Variants in ASZ1 observed in about 807,000 individuals in gnomAD.
The protein encoded by ASZ1 is ankyrin repeat, SAM and basic leucine zipper domain containing 1.
A neutral mutation model predicts 61.8 loss-of-function variants in ASZ1; 67 were observed. The observed-to-expected ratio is 1.08, with a 90% CI of 0.89 to 1.33. The LOEUF (loss-of-function observed/expected upper bound fraction) is 1.33. Among genes scored for constraint, ASZ1 ranks in the 40% most tolerant of loss-of-function variants. The probability of loss-of-function intolerance (pLI) is 0.00; values close to 1 mark genes in which losing one functional copy is unlikely to be tolerated. For synonymous variants in ASZ1, 193 were observed against 192.7 expected (o/e 1.00, Z -0.01); for missense variants, 577 against 554.5 (o/e 1.04, Z -0.41).
At chr7:117,390,391 A>C (rs1367546797) in intron 4 of ASZ1, among the ~76,000 whole-genome samples, 2 of 151,626 alleles carry the variant, frequency 1.3e-5, no homozygotes, top group African/African-American at 4.8e-5. Flanking sequence ...CTGGTCTCAA[A>C]CTCTTGGCCT....
chr7:117,407,063 C>T (rs184342888), intron 4 of ASZ1, among the ~76,000 whole-genome samples: 21 of 151,774 alleles, frequency 1.4e-4, no homozygotes, highest in Admixed American at 7.2e-4. Context: ...AATGAAACAC[C>T]GATCAGTGTG....
Position 117,390,179 on chromosome 7 carries a change from G to GGT in ASZ1, c.441-4371_441-4370insAC, listed in dbSNP as rs79961993. Among the ~76,000 whole-genome samples the GGT allele has an allele frequency of 4.1e-3, 610 of 148,542 alleles. 7 individuals carry two copies. The highest frequency in any genetic ancestry group is 0.012 in the African/African-American group (486 of 40,458). The stretch of plus-strand genomic sequence containing the variant: ...GTTCTATATCTTTGTAACAGTGGGG[G>GGT]TTTTTTTTTTGAGACAGGGTTGTAC... On this transcript the variant is annotated intron_variant, in intron 4 of 12. Coordinates refer to ENST00000284629, the MANE Select transcript of ASZ1 (RefSeq NM_130768.3).
chr7:117,369,675 T>C (rs1454307043), intron 10 of ASZ1, among the ~76,000 whole-genome samples: 1 of 152,172 alleles, frequency 6.6e-6, no homozygotes, highest in Non-Finnish European at 1.5e-5. Flanking sequence ...AACTTGGTGA[T>C]GGATTGTACG....
At chr7:117,392,606 A>T (rs1162882194) in intron 4 of ASZ1, among the ~76,000 whole-genome samples, 6 of 152,076 alleles carry the variant, frequency 3.9e-5, no homozygotes, top group Non-Finnish European at 7.4e-5. Context: ...GGAAATCTTT[A>T]GGGTTTTCCA....
chr7:117,372,717 T>C (rs1395912065), intron 10 of ASZ1, among the ~76,000 whole-genome samples: 1 of 152,146 alleles, frequency 6.6e-6, no homozygotes, highest in Non-Finnish European at 1.5e-5. Context: ...TCATCAACAA[T>C]CTTACCACTC....
chr7:117,391,509 A>T (rs1463271790), intron 4 of ASZ1, among the ~76,000 whole-genome samples: 3 of 152,130 alleles, frequency 2.0e-5, no homozygotes, highest in South Asian at 2.1e-4. Context: ...ATCCAGTTTC[A>T]TTCTTCTGCA....
chr7:117,385,003 A>G, intron 5 of ASZ1, 143 bp from the exon 6 acceptor site: 1 of 770,620 alleles, frequency 1.3e-6, no homozygotes, highest in Non-Finnish European at 1.9e-6. Context: ...TCATTTTACA[A>G]TATAATGTAA....
At chr7:117,397,239 C>T (rs1479386650) in intron 4 of ASZ1, among the ~76,000 whole-genome samples, 1 of 151,856 alleles carries the variant, frequency 6.6e-6, no homozygotes, top group African/African-American at 2.4e-5. Flanking sequence ...CCGAACCGAA[C>T]CGAACCAAAC....
At chr7:117,381,659 C>G (rs1376470126) in intron 8 of ASZ1, among the ~76,000 whole-genome samples, 1 of 152,056 alleles carries the variant, frequency 6.6e-6, no homozygotes, top group Non-Finnish European at 1.5e-5. Context: ...CAACCCAACA[C>G]TAGGTATTAT....
At chr7:117,418,663 A>C (rs1021424451) in intron 4 of ASZ1, among the ~76,000 whole-genome samples, 28 of 151,736 alleles carry the variant, frequency 1.8e-4, no homozygotes, top group Admixed American at 5.3e-4. Flanking sequence ...AAAAAAAAAA[A>C]AAAATGTTTG....
chr7:117,375,225 T>C (rs902693920), intron 10 of ASZ1, among the ~76,000 whole-genome samples: 1 of 152,012 alleles, frequency 6.6e-6, no homozygotes, highest in African/African-American at 2.4e-5. Flanking sequence ...GAAGAGGCCT[T>C]ACAGGGTTTG....
rs766587239 is a variant in ASZ1 at position 117,384,715 on chromosome 7, C to T, written c.687+11G>A. The T allele has an allele frequency of 3.7e-5, 60 of 1,608,864 alleles. No individual in the cohort carries two copies. Among genetic ancestry groups the T allele is most frequent in the Non-Finnish European group, 4.8e-5 (56 of 1,177,104 alleles). ...CCACAGAAAATAAGTTTAATATGTA[C>T]AGAAGGATACCTCATGATGTTTGTT... On this transcript the variant is annotated intron_variant, in intron 6 of 12. Transcript: ENST00000284629.
chr7:117,364,169 A>C (rs1379084422), intron 12 of ASZ1, among the ~76,000 whole-genome samples: 1 of 152,256 alleles, frequency 6.6e-6, no homozygotes, highest in African/African-American at 2.4e-5. Context: ...AAATTTAGCA[A>C]AAACGAGAAG....
chr7:117,425,801 C>G (rs886753565), intron 2 of ASZ1, among the ~76,000 whole-genome samples: 1 of 151,006 alleles, frequency 6.6e-6, no homozygotes, highest in Non-Finnish European at 1.5e-5. Context: ...CCAGCCTGGC[C>G]GACATGGTGA....
Position 117,389,054 on chromosome 7 carries a change from G to C in ASZ1, c.441-3245C>G, listed in dbSNP as rs79142232. Among the ~76,000 whole-genome samples the C allele has an allele frequency of 4.7e-3, 721 of 152,204 alleles. 5 individuals carry two copies. The highest frequency in any genetic ancestry group is 0.016 in the African/African-American group (665 of 41,544). On this transcript the variant is annotated intron_variant, in intron 4 of 12. Transcript: ENST00000284629. ...AAATATAAAAGCCAGGAAATCTATT[G>C]CTGTTTATTAGAAATGCACCTAGTA...
intron 10 of ASZ1, among the ~76,000 whole-genome samples, chr7:117,376,021 A>T (rs1419790066): frequency 6.6e-6 from 1 of 152,068 alleles, no homozygotes; most frequent in Non-Finnish European, 1.5e-5. Flanking sequence ...TTACTGAAAC[A>T]AAAGAGCAGG....
chr7:117,390,836 T>C (rs1796451814), intron 4 of ASZ1, among the ~76,000 whole-genome samples: 1 of 152,116 alleles, frequency 6.6e-6, no homozygotes, highest in Non-Finnish European at 1.5e-5. Flanking sequence ...CCTGAATAGC[T>C]GGGATTACAG....
Position 117,363,747 on chromosome 7 carries a change from A to C in ASZ1, c.1277T>G (p.Leu426Trp), listed in dbSNP as rs766602207. Residue 426 changes from leucine (L) to tryptophan (W), a missense_variant and splice_region_variant, in exon 13 of 13, where the codon TTG (leucine) becomes TGG (tryptophan). By Grantham distance (61) the Leu-to-Trp change is moderately conservative. Coordinates refer to ENST00000284629, the MANE Select transcript of ASZ1 (RefSeq NM_130768.3). ...TGGATCATTTTCCCGTTCATTTTGCAACTAATATTTAGTATGGAAAAAGAA... is the reference window on the plus strand; with the variant it reads ...TGGATCATTTTCCCGTTCATTTTGCCACTAATATTTAGTATGGAAAAAGAA... ...VCKLKDLIQKLQNERENDPTH... is the reference protein window; with the variant it reads ...VCKLKDLIQKWQNERENDPTH... 6.4e-7 allele frequency: 1 copy of C among 1,568,384 alleles called. No individual in the cohort carries two copies. Among genetic ancestry groups the C allele is most frequent in the Admixed American group, 1.9e-5 (1 of 53,246 alleles).
chr7:117,379,168 T>TATATATATACACAC (rs1161457624), intron 10 of ASZ1, among the ~76,000 whole-genome samples: 2 of 69,724 alleles, frequency 2.9e-5, no homozygotes, highest in African/African-American at 1.1e-4. Flanking sequence ...TATATATATA[T>TATATATATACACAC]ACACACACAC....
Sources: gnomAD v4.1 joint callset for allele counts (sites outside exome capture counted in the v4.1 genomes callset) on GRCh38, gnomAD v4.1.1 for gene constraint, MANE v1.5 for transcripts, NCBI Gene and HGNC (gene_info 2026-07-23, HGNC 2026-07-21) for gene names.